Variants in PDE12 observed in about 807,000 individuals in gnomAD.
PDE12 encodes the protein phosphodiesterase 12, also known as 2',5'-phosphodiesterase 12.
Under a neutral mutation model 45.4 loss-of-function variants are expected in PDE12, and 26 were observed. The observed-to-expected ratio is 0.57, with a 90% CI of 0.42 to 0.79. The LOEUF (loss-of-function observed/expected upper bound fraction) is 0.79, where lower values mean the gene tolerates loss of function less well. Among genes scored for constraint, PDE12 ranks in the 30% least tolerant of loss-of-function variants. The pLI, the probability that PDE12 is intolerant of heterozygous loss-of-function variation, is 0.00. For missense variants in PDE12, 668 were observed against 790.0 expected, an observed-to-expected ratio of 0.85 and a Z score of 1.85; for synonymous variants, 283 against 323.9, an observed-to-expected ratio of 0.87 and a Z score of 1.36.
the PDE12 span, among the ~76,000 whole-genome samples, chr3:57,579,612 C>G: frequency 6.6e-6 from 1 of 152,036 alleles, no homozygotes; most frequent in Non-Finnish European, 1.5e-5. Flanking sequence ...TTTCTGTTTA[C>G]CTCTCAGGAT....
Position 57,561,739 on chromosome 3 carries a change from A to G in PDE12, c.*1735A>G. ...AAATTCTTTAATCTCTGAACCTAGT[A>G]TCATAAGAATTTCCTCTTTTGATAA... On this transcript the variant is annotated 3_prime_UTR_variant, in exon 3 of 3. Coordinates refer to ENST00000311180, the MANE Select transcript of PDE12 (RefSeq NM_177966.7). 1 of 984,884 alleles carries G rather than the reference A, an allele frequency of 1.0e-6. No homozygotes were observed. The highest frequency in any genetic ancestry group is 1.2e-6 in the Non-Finnish European group (1 of 829,450). The allele number at this position is 984,884 out of a possible 1,614,324, so 61.0% of individuals were successfully genotyped here. A position where few individuals can be genotyped will look rare whatever the true frequency, so the allele number is the denominator to read the frequency against.
chr3:57,655,184 G>A, the PDE12 span, among the ~76,000 whole-genome samples: 19 of 152,014 alleles, frequency 1.2e-4, no homozygotes, highest in African/African-American at 2.2e-4. Flanking sequence ...CAGGCGGCCC[G>A]CCACCATGCC....
At chr3:57,582,232 C>A in the PDE12 span, among the ~76,000 whole-genome samples, 1 of 152,056 alleles carries the variant, frequency 6.6e-6, no homozygotes, top group Non-Finnish European at 1.5e-5. Context: ...TATTGATGAC[C>A]ATAAACATTC....
At chr3:57,642,771 C>T in the PDE12 span, among the ~76,000 whole-genome samples, 1 of 151,878 alleles carries the variant, frequency 6.6e-6, no homozygotes, top group Non-Finnish European at 1.5e-5. Context: ...TTGGGAAGGC[C>T]GAGGTGGGCA....
Position 57,559,979 on chromosome 3 carries a change from T to G in PDE12, c.1805T>G (p.Leu602Arg). ...TCCCATCCCTCTGATCACATAGCACTTGTATGTGATTTAAAATGGAAATAG... is the reference window on the plus strand; with the variant it reads ...TCCCATCCCTCTGATCACATAGCACGTGTATGTGATTTAAAATGGAAATAG... ...SVSHPSDHIA[L>R]VCDLKWK Residue 602 changes from leucine to arginine, a missense_variant, in exon 3 of 3, where the codon CTT becomes CGT. Physicochemically the swap from Leu to Arg is moderately radical, Grantham distance 102. Coordinates refer to ENST00000311180, the MANE Select transcript of PDE12 (RefSeq NM_177966.7). 1 of 1,606,882 alleles carries G rather than the reference T, an allele frequency of 6.2e-7. No homozygotes were observed. Among genetic ancestry groups the G allele is most frequent in the Non-Finnish European group, 8.5e-7 (1 of 1,177,682 alleles).
At chr3:57,609,081 T>A in the PDE12 span, among the ~76,000 whole-genome samples, 1 of 152,118 alleles carries the variant, frequency 6.6e-6, no homozygotes, top group African/African-American at 2.4e-5. Context: ...ATTAAGAAAC[T>A]CACTCAAAAC....
At chr3:57,650,663 C>CCA in the PDE12 span, among the ~76,000 whole-genome samples, 1,953 of 152,186 alleles carry the variant, frequency 0.013, 47 homozygotes, top group African/African-American at 0.044. Context: ...GAAAACATGT[C>CCA]CACACAAAGA....
the PDE12 span, among the ~76,000 whole-genome samples, chr3:57,609,906 C>A: frequency 6.6e-6 from 1 of 152,072 alleles, no homozygotes; most frequent in Non-Finnish European, 1.5e-5. Context: ...CATCCTGATA[C>A]CAAAGGCTGG....
At chr3:57,588,825 A>G in the PDE12 span, among the ~76,000 whole-genome samples, 3,585 of 106,956 alleles carry the variant, frequency 0.034, no homozygotes, top group Middle Eastern at 0.24. Flanking sequence ...GGTGTGAGTG[A>G]GGCACAGTGG....
At chr3:57,615,456 TAA>T in the PDE12 span, among the ~76,000 whole-genome samples, 2 of 151,758 alleles carry the variant, frequency 1.3e-5, no homozygotes, top group Non-Finnish European at 2.9e-5. Flanking sequence ...CTTGAGTAAC[TAA>T]AAAAAGAGAG....
chr3:57,591,046 C>T, the PDE12 span, among the ~76,000 whole-genome samples: 4 of 152,170 alleles, frequency 2.6e-5, no homozygotes, highest in Non-Finnish European at 5.9e-5. Context: ...ATGTCCCCCA[C>T]AGTCACAGAA....
the PDE12 span, among the ~76,000 whole-genome samples, chr3:57,619,898 T>C: frequency 6.6e-6 from 1 of 150,960 alleles, no homozygotes; most frequent in African/African-American, 2.4e-5. Flanking sequence ...AGAACATCTA[T>C]AAAAAACCTA....
the PDE12 span, among the ~76,000 whole-genome samples, chr3:57,603,388 A>G: frequency 2.0e-5 from 3 of 151,584 alleles, no homozygotes; most frequent in Admixed American, 6.6e-5. Flanking sequence ...ACCAGGCTGG[A>G]GTGCAGTGGC....
At chr3:57,610,791 G>A in the PDE12 span, among the ~76,000 whole-genome samples, 3 of 152,106 alleles carry the variant, frequency 2.0e-5, no homozygotes, top group Admixed American at 6.6e-5. Context: ...AATCAATATC[G>A]TGAAAATGGC....
the PDE12 span, among the ~76,000 whole-genome samples, chr3:57,616,483 AGAAG>A: frequency 7.3e-6 from 1 of 136,890 alleles, no homozygotes; most frequent in East Asian, 1.9e-4. Flanking sequence ...GGAAGAAGAA[AGAAG>A]GAGGAAGAGG....
chr3:57,640,676 G>A, the PDE12 span, among the ~76,000 whole-genome samples: 185 of 152,180 alleles, frequency 1.2e-3, no homozygotes, highest in African/African-American at 4.3e-3. Context: ...TTGTCATGTC[G>A]GAGAGATGTC....
At chr3:57,642,080 T>C in the PDE12 span, among the ~76,000 whole-genome samples, 1 of 151,956 alleles carries the variant, frequency 6.6e-6, no homozygotes, top group Non-Finnish European at 1.5e-5. Flanking sequence ...TTTCGGAGGC[T>C]GAGGCGGGCA....
chr3:57,598,776 CTT>C, the PDE12 span, among the ~76,000 whole-genome samples: 1 of 151,984 alleles, frequency 6.6e-6, no homozygotes, highest in African/African-American at 2.4e-5. Context: ...GCGAGACTGT[CTT>C]AAAAAAACAA....
chr3:57,565,284 T>A lies in PDE12; in HGVS notation c.*5280T>A, dbSNP rs911684681. 2.0e-5 allele frequency: 3 copies of A among 152,184 alleles called. No individual in the cohort carries two copies. The highest frequency in any genetic ancestry group is 6.5e-5 in the Admixed American group (1 of 15,280). The allele number at this position is 152,184 out of a possible 1,614,324, so 9.4% of individuals were successfully genotyped here. On this transcript the variant is annotated 3_prime_UTR_variant, in exon 3 of 3. Transcript: ENST00000311180. ...GATTATAGGTGTGAGCCAGCACACA[T>A]AGCCCTTTTTTTAAAAAAATTAAAA...
Sources: gnomAD v4.1 joint callset for allele counts (sites outside exome capture counted in the v4.1 genomes callset) on GRCh38, gnomAD v4.1.1 for gene constraint, MANE v1.5 for transcripts, NCBI Gene and HGNC (gene_info 2026-07-23, HGNC 2026-07-21) for gene names.